The following CD247 variants were observed in gnomAD, a reference collection of about 807,000 sequenced individuals.
CD247 encodes the protein CD247 molecule.
A neutral mutation model predicts 30.0 loss-of-function variants in CD247; 13 were observed. That is an observed-to-expected ratio of 0.43 (90% confidence interval 0.28 to 0.69). CD247 has a LOEUF of 0.69. Among genes scored for constraint, CD247 ranks in the 30% least tolerant of loss-of-function variants. CD247 has a pLI of 0.16. For synonymous variants in CD247, 72 were observed against 80.0 expected, an observed-to-expected ratio of 0.90 and a Z score of 0.53; for missense variants, 193 against 212.6, an observed-to-expected ratio of 0.91 and a Z score of 0.57.
At chr1:167,513,323 T>C (rs1226961139) in intron 1 of CD247, among the ~76,000 whole-genome samples, 1 of 152,190 alleles carries the variant, frequency 6.6e-6, no homozygotes, top group Admixed American at 6.5e-5. Flanking sequence ...GATAGTAAAA[T>C]TTTTTACACT....
chr1:167,461,307 T>C (rs1332680726), intron 1 of CD247, among the ~76,000 whole-genome samples: 1 of 152,250 alleles, frequency 6.6e-6, no homozygotes, highest in Non-Finnish European at 1.5e-5. Context: ...AGATCCACTA[T>C]CAGAGCCAAT....
At chr1:167,452,552 A>G (rs184853469) in intron 1 of CD247, among the ~76,000 whole-genome samples, 170 of 152,314 alleles carry the variant, frequency 1.1e-3, no homozygotes, top group African/African-American at 4.0e-3. Flanking sequence ...TGTGGTGGCC[A>G]TCCTTACTAG....
At position 167,448,381 on chromosome 1, in the gene CD247, G is replaced by A. The variant is rs565579623; in HGVS notation, c.59-7614C>T. ...CTGATCCTCAGAGGTGGTGAGAGGGGTCCTCACCAGGCTGTGGAGTCCCTT... is the reference window on the plus strand; with the variant it reads ...CTGATCCTCAGAGGTGGTGAGAGGGATCCTCACCAGGCTGTGGAGTCCCTT... On this transcript the variant is annotated intron_variant, in intron 1 of 7. Transcript: ENST00000362089. The A allele has an allele frequency of 1.2e-5, 12 of 985,384 alleles. No individual in the cohort carries two copies. In the Admixed American group the frequency reaches 1.8e-4, roughly 15 times the overall value. 61.0% of individuals were successfully genotyped at this position (985,384 alleles called of 1,614,324 possible). A position where few individuals can be genotyped will look rare whatever the true frequency, so the allele number is the denominator to read the frequency against.
At chr1:167,457,112 T>A (rs938880903) in intron 1 of CD247, among the ~76,000 whole-genome samples, 1 of 152,176 alleles carries the variant, frequency 6.6e-6, no homozygotes, top group African/African-American at 2.4e-5. Context: ...CTGAAAGCAG[T>A]GTGAGGTACC....
At chr1:167,465,327 C>CTTTTTCTT (rs1553232218) in intron 1 of CD247, among the ~76,000 whole-genome samples, 1 of 115,344 alleles carries the variant, frequency 8.7e-6, no homozygotes, top group East Asian at 2.6e-4. Context: ...TTTTCTTTTT[C>CTTTTTCTT]TTTTTTTTTT....
chr1:167,438,661 T>A lies in CD247; in HGVS notation c.220-11A>T. ...TCCTAGATTGAGCTCCTATAACAGA[T>A]AAGAAAGTGTCAGACACAGGACGGA... is the stretch of plus-strand genomic sequence containing the variant. On this transcript the variant is annotated splice_polypyrimidine_tract_variant and intron_variant, in intron 3 of 7. Transcript: ENST00000362089. 2 of 1,606,314 alleles carry A rather than the reference T, an allele frequency of 1.2e-6. No homozygotes were observed. Among genetic ancestry groups the A allele is most frequent in the Non-Finnish European group, 1.7e-6 (2 of 1,173,182 alleles).
chr1:167,430,733 G>A lies in CD247; in HGVS notation c.*948C>T, dbSNP rs1651217349. On this transcript the variant is annotated 3_prime_UTR_variant, in exon 8 of 8. Coordinates refer to ENST00000362089, the MANE Select transcript of CD247 (RefSeq NM_198053.3). ...GTAGAAAAAAAGCAGAGTAGAGAGC[G>A]TTTTCCATCCATGGCCTGTGCCCTG... is the stretch of plus-strand genomic sequence containing the variant. The A allele has an allele frequency of 1.0e-5, 4 of 398,690 alleles. No individual in the cohort carries two copies. The highest frequency in any genetic ancestry group is 1.3e-5 in the Non-Finnish European group (3 of 226,082). 24.7% of individuals were successfully genotyped at this position (398,690 alleles called of 1,614,324 possible).
At chr1:167,501,053 C>CT (rs569489236) in intron 1 of CD247, among the ~76,000 whole-genome samples, 3,577 of 124,280 alleles carry the variant, frequency 0.029, 130 homozygotes, top group African/African-American at 0.081. Context: ...TCCTATTGTT[C>CT]TTTTTTTTTT....
intron 1 of CD247, among the ~76,000 whole-genome samples, chr1:167,495,427 C>T (rs1053657412): frequency 6.6e-6 from 1 of 152,074 alleles, no homozygotes; most frequent in South Asian, 2.1e-4. Flanking sequence ...AGTGTGCTCC[C>T]GTTTAATCCT....
intron 1 of CD247, among the ~76,000 whole-genome samples, chr1:167,448,783 C>T (rs1437100612): frequency 2.0e-5 from 3 of 152,148 alleles, no homozygotes; most frequent in Non-Finnish European, 4.4e-5. Flanking sequence ...ATCGCTTGAA[C>T]CCAGGAGGTG....
chr1:167,496,811 C>CTGGT (rs1167239510), intron 1 of CD247, among the ~76,000 whole-genome samples: 1 of 152,198 alleles, frequency 6.6e-6, no homozygotes, highest in African/African-American at 2.4e-5. Flanking sequence ...GGACAGCAGG[C>CTGGT]TGGTGGCAGG....
At chr1:167,441,301 C>G (rs1481026230) in intron 1 of CD247, among the ~76,000 whole-genome samples, 1 of 152,222 alleles carries the variant, frequency 6.6e-6, no homozygotes, top group East Asian at 1.9e-4. Context: ...CTCCCTGCCT[C>G]CTCAGTGCCA....
At position 167,433,025 on chromosome 1, in the gene CD247, T is replaced by C. The variant is rs1231397306; in HGVS notation, c.428A>G (p.Gln143Arg). 1 of 1,614,190 alleles carries C rather than the reference T, an allele frequency of 6.2e-7. No homozygotes were observed. The highest frequency in any genetic ancestry group is 1.7e-5 in the Admixed American group (1 of 60,032). The change falls in exon 7 of 8, where the codon CAG becomes CGG. Residue 143 changes from glutamine to arginine, a missense_variant and splice_region_variant. Physicochemically the swap from Gln to Arg is conservative, Grantham distance 43. Transcript: ENST00000362089. ...TGAAGGGACGCCGGCAGCTCCTACC[T>C]GGTAAAGGCCATCGTGCCCCTTGCC... Reference protein sequence around the residue: ...RRGKGHDGLYQGLSTATKDTY... With the variant: ...RRGKGHDGLYRGLSTATKDTY...
At chr1:167,480,043 A>G (rs145202475) in intron 1 of CD247, among the ~76,000 whole-genome samples, 282 of 152,250 alleles carry the variant, frequency 1.9e-3, no homozygotes, top group African/African-American at 6.2e-3. Flanking sequence ...CTGTTACTCA[A>G]TGGCCACTGC....
intron 1 of CD247, among the ~76,000 whole-genome samples, chr1:167,506,403 A>G (rs910316696): frequency 1.4e-5 from 2 of 141,862 alleles, no homozygotes; most frequent in African/African-American, 5.3e-5. Context: ...GCTAAAGTGC[A>G]GTAGTATTAT....
intron 4 of CD247, among the ~76,000 whole-genome samples, chr1:167,438,353 C>G (rs1267868637): frequency 6.6e-6 from 1 of 152,178 alleles, no homozygotes; most frequent in Non-Finnish European, 1.5e-5. Flanking sequence ...AGTGGGGTGC[C>G]ACGTCCGGGG....
chr1:167,497,369 T>C (rs1428581336), intron 1 of CD247, among the ~76,000 whole-genome samples: 1 of 152,220 alleles, frequency 6.6e-6, no homozygotes, highest in Non-Finnish European at 1.5e-5. Flanking sequence ...TAAGATATGA[T>C]AAATATCATC....
chr1:167,442,836 C>A (rs1246526280), intron 1 of CD247, among the ~76,000 whole-genome samples: 2 of 152,132 alleles, frequency 1.3e-5, no homozygotes, highest in African/African-American at 4.8e-5. Flanking sequence ...AGACCCTGCC[C>A]AGAGACCATT....
Position 167,433,470 on chromosome 1 carries a change from C to T in CD247, c.394-411G>A, listed in dbSNP as rs767230595. Among the ~76,000 whole-genome samples, 4 of 152,224 alleles carry T rather than the reference C, an allele frequency of 2.6e-5. No individual in the cohort carries two copies. The East Asian group carries it at 7.7e-4, about 29-fold the overall frequency. The stretch of plus-strand genomic sequence containing the variant: ...GGCATAGTCAGTTCAATCACGTGCC[C>T]GTTTACCAGCTAGAAGACCTTGGGT... On this transcript the variant is annotated intron_variant, in intron 6 of 7. Transcript: ENST00000362089.
Sources: gnomAD v4.1 joint callset for allele counts (sites outside exome capture counted in the v4.1 genomes callset) on GRCh38, gnomAD v4.1.1 for gene constraint, MANE v1.5 for transcripts, NCBI Gene and HGNC (gene_info 2026-07-23, HGNC 2026-07-21) for gene names.